Variants in USP46 observed in about 807,000 individuals in gnomAD.
USP46 encodes ubiquitin specific peptidase 46, also known as ubiquitin carboxyl-terminal hydrolase 46.
USP46 carries 12 observed loss-of-function variants against 44.4 expected under a neutral mutation model. The ratio of observed to expected loss-of-function variants is 0.27; its 90% CI spans 0.17 to 0.44. The LOEUF (loss-of-function observed/expected upper bound fraction) is 0.44. Ranked by LOEUF, USP46 falls within the 20% of genes least tolerant of loss-of-function variation. USP46 has a pLI of 1.00. For synonymous variants in USP46, 155 were observed against 161.5 expected, an observed-to-expected ratio of 0.96 and a Z score of 0.31; for missense variants, 248 against 444.8, an observed-to-expected ratio of 0.56 and a Z score of 3.98.
chr4:52,609,510 T>C (rs1423606943), intron 5 of USP46, among the ~76,000 whole-genome samples: 1 of 152,194 alleles, frequency 6.6e-6, no homozygotes, highest in Non-Finnish European at 1.5e-5. Flanking sequence ...CTGGCATTAT[T>C]TGCTCCCTGC....
chr4:52,618,551 C>A (rs1717252656), intron 4 of USP46, among the ~76,000 whole-genome samples: 1 of 152,074 alleles, frequency 6.6e-6, no homozygotes. Flanking sequence ...CCAGCCTGGG[C>A]AACAGAGAGA....
chr4:52,624,729 C>A (rs982236651), intron 4 of USP46, among the ~76,000 whole-genome samples: 4 of 152,138 alleles, frequency 2.6e-5, no homozygotes, highest in African/African-American at 9.7e-5. Flanking sequence ...AGATGGGCCT[C>A]TGGGAGGCAA....
intron 2 of USP46, 79 bp from the exon 3 acceptor site, chr4:52,628,242 G>C: frequency 6.9e-7 from 1 of 1,446,198 alleles, no homozygotes; most frequent in African/African-American, 1.4e-5. Context: ...AGGGTGAGAA[G>C]GTCCCTGCTC....
In USP46 at chr4:52,659,008, C is replaced by G; in HGVS notation, c.36+107G>C. 1.5e-6 allele frequency: 2 copies of G among 1,363,726 alleles called. No individual in the cohort carries two copies. Among genetic ancestry groups the G allele is most frequent in the East Asian group, 3.2e-5 (1 of 31,384 alleles). The allele number at this position is 1,363,726 out of a possible 1,614,324, so 84.5% of individuals were successfully genotyped here. On this transcript the variant is annotated intron_variant, in intron 1 of 8. Coordinates refer to ENST00000441222, the MANE Select transcript of USP46 (RefSeq NM_022832.4). This position sits in a 1 kb window ranked among gnomAD's most constrained non-coding sequence, Gnocchi z 4.2. ...GCCGGGAACTTCTGGCGGCGCGGAC[C>G]CCGCCGCCCCCGCCGCCCCAGCCAC...
intron 1 of USP46, among the ~76,000 whole-genome samples, chr4:52,653,712 G>C (rs533047738): frequency 6.4e-4 from 97 of 152,162 alleles, no homozygotes; most frequent in Admixed American, 1.1e-3. Context: ...AGTTAGCTTT[G>C]GGTGGCTTCA....
chr4:52,613,711 G>C (rs1241280780), intron 4 of USP46, among the ~76,000 whole-genome samples: 1 of 138,876 alleles, frequency 7.2e-6, no homozygotes, highest in Non-Finnish European at 1.5e-5. Flanking sequence ...GACAGAGCAA[G>C]ACTCCATCTC....
chr4:52,627,246 T>C (rs1470090039), intron 3 of USP46, among the ~76,000 whole-genome samples: 1 of 152,164 alleles, frequency 6.6e-6, no homozygotes, highest in East Asian at 1.9e-4. Context: ...AGCAATCAAA[T>C]TAAAAGAGAC....
rs1716301463 is a variant in USP46, at chr4:52,597,687, T to C, written c.1054A>G (p.Lys352Glu). Residue 352 changes from lysine (K) to glutamate (E), a missense_variant, in exon 9 of 9, where the codon AAA becomes GAA. Physicochemically the swap from Lys to Glu is moderately conservative, Grantham distance 56. Transcript: ENST00000441222. ...AAAATATATCCAGATTCTGAATTTT[T>C]TGATATATCTGACGTCAGGCCATAG... Reference protein sequence around the residue: ...EFYGLTSDISKNSESGYILFY... With the variant: ...EFYGLTSDISENSESGYILFY... 1 of 1,603,080 alleles carries C rather than the reference T, an allele frequency of 6.2e-7. No individual in the cohort carries two copies. The highest frequency in any genetic ancestry group is 8.5e-7 in the Non-Finnish European group (1 of 1,174,330).
intron 1 of USP46, chr4:52,656,242 G>GT (rs1718941464): frequency 1.3e-6 from 2 of 1,534,016 alleles, no homozygotes; most frequent in East Asian, 4.9e-5. Flanking sequence ...GGAAGGGTCA[G>GT]TAAGAGGCCC....
In USP46 at chr4:52,610,536, T is replaced by C. The variant is rs1284905323; in HGVS notation, c.638+5A>G. On this transcript the variant is annotated splice_donor_5th_base_variant and intron_variant, in intron 5 of 8. Transcript: ENST00000441222. ...AAAGCTCAAACTGCCTCAGAGTTCA[T>C]ATACCTTAGACAGTGGGTAATGGAT... The C allele has an allele frequency of 7.4e-6, 12 of 1,613,134 alleles. No individual in the cohort carries two copies. The Admixed American group carries it at 1.7e-4, about 22-fold the overall frequency.
At chr4:52,652,427 A>G (rs888593569) in intron 1 of USP46, among the ~76,000 whole-genome samples, 1 of 152,202 alleles carries the variant, frequency 6.6e-6, no homozygotes, top group African/African-American at 2.4e-5. Context: ...TGTGTATACT[A>G]TACACAGGGA....
intron 4 of USP46, among the ~76,000 whole-genome samples, 187 bp from the exon 5 acceptor site, chr4:52,610,804 T>C (rs943853980): frequency 1.2e-4 from 19 of 152,192 alleles, no homozygotes; most frequent in Non-Finnish European, 1.9e-4. Context: ...TCCCAAATTC[T>C]CAATTTAACC....
At chr4:52,625,979 T>C in intron 4 of USP46, 39 bp downstream of exon 4, 7 of 1,568,890 alleles carry the variant, frequency 4.5e-6, no homozygotes, top group Non-Finnish European at 5.2e-6. Context: ...TACATAAATA[T>C]GAACATGCGA....
chr4:52,631,772 G>A (rs965956035), intron 1 of USP46, among the ~76,000 whole-genome samples: 2 of 152,100 alleles, frequency 1.3e-5, no homozygotes, highest in African/African-American at 2.4e-5. Context: ...TTGGGAGGCC[G>A]AGGTGAGCGG....
At chr4:52,643,722 C>A (rs1051858910) in intron 1 of USP46, among the ~76,000 whole-genome samples, 1 of 152,218 alleles carries the variant, frequency 6.6e-6, no homozygotes, top group Non-Finnish European at 1.5e-5. Flanking sequence ...GAGAACTTCA[C>A]ATCTACATAT....
chr4:52,637,140 T>C (rs1718148025), intron 1 of USP46, among the ~76,000 whole-genome samples: 1 of 152,154 alleles, frequency 6.6e-6, no homozygotes, highest in South Asian at 2.1e-4. Flanking sequence ...TTGTCTCTAC[T>C]TCCTTATCTC....
chr4:52,596,264 T>C lies in USP46; in HGVS notation c.*1376A>G, dbSNP rs532324112. ...GTGGATGCATTAGGTAACAAAAATATGTTCACAGTTTATTATAGTGTATGG... is the reference window on the plus strand; with the variant it reads ...GTGGATGCATTAGGTAACAAAAATACGTTCACAGTTTATTATAGTGTATGG... On this transcript the variant is annotated 3_prime_UTR_variant, in exon 9 of 9. Coordinates refer to ENST00000441222, the MANE Select transcript of USP46 (RefSeq NM_022832.4). 6.6e-6 allele frequency: 1 copy of C among 152,646 alleles called. No homozygotes were observed. The highest frequency in any genetic ancestry group is 1.5e-5 in the Non-Finnish European group (1 of 68,030). 9.5% of individuals were successfully genotyped at this position (152,646 alleles called of 1,614,324 possible).
intron 1 of USP46, among the ~76,000 whole-genome samples, chr4:52,631,407 G>A (rs1157327453): frequency 1.3e-5 from 2 of 152,168 alleles, no homozygotes; most frequent in African/African-American, 4.8e-5. Context: ...AAGAAAGTTT[G>A]AGACAGGCAA....
chr4:52,652,399 A>C (rs1258610321), intron 1 of USP46, among the ~76,000 whole-genome samples: 1 of 152,210 alleles, frequency 6.6e-6, no homozygotes, highest in African/African-American at 2.4e-5. Context: ...CACCACAGAG[A>C]AACTGTCAAC....
Sources: gnomAD v4.1 joint callset for allele counts (sites outside exome capture counted in the v4.1 genomes callset) on GRCh38, gnomAD v4.1.1 for gene constraint, Gnocchi (gnomAD v3.1) non-coding constraint, MANE v1.5 for transcripts, NCBI Gene and HGNC (gene_info 2026-07-23, HGNC 2026-07-21) for gene names.